Variants in SLC25A36 observed in about 807,000 individuals in gnomAD.
SLC25A36 encodes the protein epididymis secretory sperm binding protein.
Under a neutral mutation model 35.3 loss-of-function variants are expected in SLC25A36, and 24 were observed. The ratio of observed to expected loss-of-function variants is 0.68; its 90% CI spans 0.49 to 0.96. SLC25A36 has a LOEUF of 0.96. Among genes scored for constraint, SLC25A36 ranks in the 40% least tolerant of loss-of-function variants. SLC25A36 has a pLI of 0.00. For synonymous variants in SLC25A36, 141 were observed against 132.2 expected (o/e 1.07, Z -0.46); for missense variants, 294 against 381.1 (o/e 0.77, Z 1.90).
chr3:140,948,434 G>A (rs999466206), intron 1 of SLC25A36, among the ~76,000 whole-genome samples: 6 of 151,710 alleles, frequency 4.0e-5, no homozygotes, highest in East Asian at 1.9e-4. Context: ...TGCCCACCTC[G>A]GCCTCCCAAA....
chr3:140,943,452 C>A (rs1320455251), intron 1 of SLC25A36, among the ~76,000 whole-genome samples: 1 of 152,190 alleles, frequency 6.6e-6, no homozygotes, highest in African/African-American at 2.4e-5. Context: ...CCAGTTTAGG[C>A]AGTTTGCTTT....
At chr3:140,945,783 A>T (rs1934148317) in intron 1 of SLC25A36, among the ~76,000 whole-genome samples, 1 of 151,940 alleles carries the variant, frequency 6.6e-6, no homozygotes, top group South Asian at 2.1e-4. Context: ...ATGCTCATGA[A>T]GGAGTAAAAA....
intron 4 of SLC25A36, chr3:140,964,318 A>G (rs1934706814): frequency 6.6e-6 from 1 of 151,936 alleles, no homozygotes; most frequent in South Asian, 2.1e-4. Context: ...CTGAAGCTTT[A>G]AAACTGGAAG....
In SLC25A36 at chr3:140,974,772, C is replaced by T. The variant is rs527663622; in HGVS notation, c.742+767C>T. Among the ~76,000 whole-genome samples the T allele has an allele frequency of 2.2e-4, 33 of 151,764 alleles. No individual in the cohort carries two copies. The South Asian group carries it at 2.3e-3, about 11-fold the overall frequency. On this transcript the variant is annotated intron_variant, in intron 6 of 6. Coordinates refer to ENST00000324194, the MANE Select transcript of SLC25A36 (RefSeq NM_001104647.3). ...TTCACTTACACTGATTAATATTTAC[C>T]GTCTCCATTGTATATTATATCAGGA... is the stretch of plus-strand genomic sequence containing the variant.
At chr3:140,952,015 CTCTCTTTTT>C (rs775201438) in intron 1 of SLC25A36, among the ~76,000 whole-genome samples, 31 of 143,294 alleles carry the variant, frequency 2.2e-4, no homozygotes, top group Non-Finnish European at 4.3e-4. Flanking sequence ...TCCTTTCTTT[CTCTCTTTTT>C]TTTTTTTTTG....
In SLC25A36 at chr3:140,977,079, A is replaced by C. The variant is rs1559819125; in HGVS notation, c.*626A>C. ...TGTTTAGCCTAATGTGGATATTTAAATTGTTAACATACCAAACACACATGG... is the reference window on the plus strand; with the variant it reads ...TGTTTAGCCTAATGTGGATATTTAACTTGTTAACATACCAAACACACATGG... On this transcript the variant is annotated 3_prime_UTR_variant, in exon 7 of 7. Transcript: ENST00000324194. The C allele has an allele frequency of 6.6e-6, 1 of 152,186 alleles. No individual in the cohort carries two copies. Among genetic ancestry groups the C allele is most frequent in the Non-Finnish European group, 1.5e-5 (1 of 68,030 alleles). 9.4% of individuals were successfully genotyped at this position (152,186 alleles called of 1,614,324 possible).
At chr3:140,966,404 A>G (rs1934761703) in intron 4 of SLC25A36, 2 of 290,974 alleles carry the variant, frequency 6.9e-6, no homozygotes, top group African/African-American at 2.3e-5. Context: ...TGGATGTGCA[A>G]TATTACTGGC....
At chr3:140,962,261 C>T (rs1328707557) in intron 3 of SLC25A36, among the ~76,000 whole-genome samples, 3 of 152,076 alleles carry the variant, frequency 2.0e-5, no homozygotes, top group African/African-American at 7.2e-5. Context: ...AAAGGTACAA[C>T]AGTGAAATTC....
chr3:140,978,958 C>T lies in SLC25A36; in HGVS notation c.*2505C>T, dbSNP rs745376926. 4.6e-5 allele frequency: 7 copies of T among 152,146 alleles called. No homozygotes were observed. Among genetic ancestry groups the T allele is most frequent in the Non-Finnish European group, 1.0e-4 (7 of 68,014 alleles). The allele number at this position is 152,146 out of a possible 1,614,324, so 9.4% of individuals were successfully genotyped here. A position where few individuals can be genotyped will look rare whatever the true frequency, so the allele number is the denominator to read the frequency against. On this transcript the variant is annotated 3_prime_UTR_variant, in exon 7 of 7. Transcript: ENST00000324194. ...TTTTAACTTGTTTTCATCTGTTTAT[C>T]ATGACTTTTTTATTTCTGGTGTAGA...
chr3:140,962,805 A>AT (rs143545389), intron 3 of SLC25A36, among the ~76,000 whole-genome samples: 19 of 150,908 alleles, frequency 1.3e-4, no homozygotes, highest in Non-Finnish European at 2.1e-4. Flanking sequence ...TTTTGTTTTT[A>AT]TTTTTTTTTA....
At chr3:140,942,360 A>C (rs7632043) in intron 1 of SLC25A36, 25,104 of 333,928 alleles carry the variant, frequency 0.075, 1,259 homozygotes, top group East Asian at 0.2. Context: ...TGAGGCATGA[A>C]ACCCGGGCCG....
chr3:140,943,096 C>T (rs1006174325), intron 1 of SLC25A36, among the ~76,000 whole-genome samples: 2 of 152,148 alleles, frequency 1.3e-5, no homozygotes, highest in African/African-American at 4.8e-5. Flanking sequence ...TTTGCTCCTT[C>T]TAAATCATTT....
rs75249985 is a variant in SLC25A36, at chr3:140,980,704, C to G, written c.*4251C>G. ...TTAAATGTTCCCCCTGCCCCCCCCC[C>G]CTTTTAATATATATACACGGAGCTT... On this transcript the variant is annotated 3_prime_UTR_variant, in exon 7 of 7. Transcript: ENST00000324194. Among the ~76,000 whole-genome samples the G allele has an allele frequency of 0.011, 570 of 49,886 alleles. 12 individuals carry two copies. Among genetic ancestry groups the G allele is most frequent in the Non-Finnish European group, 0.021 (282 of 13,640 alleles). The allele number at this position is 49,886 out of a possible 152,430, so 32.7% of individuals were successfully genotyped here. A position where few individuals can be genotyped will look rare whatever the true frequency, so the allele number is the denominator to read the frequency against.
Position 140,970,962 on chromosome 3 carries a change from CT to C in SLC25A36, c.423del (p.Ile142Ter). ...AATCACAGCAACCAACCCCATTTGG[CT>C]TATAAAGACTCGGTTACAGCTTGAT... is the stretch of plus-strand genomic sequence containing the variant. ...TAITATNPIWLIKTRLQLDAR... is the reference protein window; with the variant it reads ...TAITATNPIWXIKTRLQLDAR... On this transcript the variant is annotated frameshift_variant, in exon 5 of 7. Transcript: ENST00000324194. LOFTEE classifies it high-confidence loss of function. 6.5e-7 allele frequency: 1 copy of C among 1,527,956 alleles called. No homozygotes were observed. The highest frequency in any genetic ancestry group is 9.1e-7 in the Non-Finnish European group (1 of 1,102,818). The allele number at this position is 1,527,956 out of a possible 1,614,324, so 94.6% of individuals were successfully genotyped here.
At chr3:140,956,428 G>A in intron 1 of SLC25A36, 99 bp from the exon 2 acceptor site, 1 of 1,275,366 alleles carries the variant, frequency 7.8e-7, no homozygotes, top group Non-Finnish European at 1.0e-6. Flanking sequence ...TAGTATGTTG[G>A]CAAAGCTCCA....
Position 140,979,413 on chromosome 3 carries a change from T to A in SLC25A36, c.*2960T>A, listed in dbSNP as rs1254023023. ...AATAATTGTCCATGCCTGCCTTTTG[T>A]TGTTTACATGCTCTTCTGCCCAGAC... is the stretch of plus-strand genomic sequence containing the variant. On this transcript the variant is annotated 3_prime_UTR_variant, in exon 7 of 7. Coordinates refer to ENST00000324194, the MANE Select transcript of SLC25A36 (RefSeq NM_001104647.3). The A allele has an allele frequency of 1.3e-5, 2 of 152,322 alleles. No homozygotes were observed. Among genetic ancestry groups the A allele is most frequent in the Admixed American group, 1.3e-4 (2 of 15,298 alleles). The allele number at this position is 152,322 out of a possible 1,614,324, so 9.4% of individuals were successfully genotyped here. A position where few individuals can be genotyped will look rare whatever the true frequency, so the allele number is the denominator to read the frequency against.
intron 2 of SLC25A36, 40 bp from the exon 3 acceptor site, chr3:140,959,423 T>G: frequency 9.2e-7 from 1 of 1,091,916 alleles, no homozygotes; most frequent in Non-Finnish European, 1.3e-6. Context: ...TACCAGACTT[T>G]GAAAGATATT....
In SLC25A36 at chr3:140,941,927, T is replaced by C; in HGVS notation, c.-128T>C. On this transcript the variant is annotated 5_prime_UTR_variant, in exon 1 of 7. Coordinates refer to ENST00000324194, the MANE Select transcript of SLC25A36 (RefSeq NM_001104647.3). ...GTGCCGGTTGCTTTCTGCAGCCGCA[T>C]CTCGGCCAGCTCTCCTCGCCGTCCC... 2 of 579,836 alleles carry C rather than the reference T, an allele frequency of 3.4e-6. No homozygotes were observed. The highest frequency in any genetic ancestry group is 3.9e-5 in the Admixed American group (1 of 25,924). The allele number at this position is 579,836 out of a possible 1,614,324, so 35.9% of individuals were successfully genotyped here.
chr3:140,969,468 A>G (rs73233099), intron 4 of SLC25A36, among the ~76,000 whole-genome samples: 3,975 of 151,956 alleles, frequency 0.026, 78 homozygotes, highest in South Asian at 0.064. Context: ...AGAATATATA[A>G]TCTTTATAAA....
Sources: allele counts gnomAD v4.1 joint callset (sites outside exome capture counted in the v4.1 genomes callset), GRCh38; gene constraint gnomAD v4.1.1; transcripts MANE v1.5; gene names NCBI Gene and HGNC (gene_info 2026-07-23, HGNC 2026-07-21).